CCND3: variants seen among roughly 807,000 people sequenced by gnomAD.
The protein encoded by CCND3 is G1/S-specific cyclin-D3.
A neutral mutation model predicts 28.7 loss-of-function variants in CCND3; 9 were observed. The observed-to-expected ratio is 0.31, with a 90% CI of 0.19 to 0.55. CCND3 has a LOEUF of 0.55. CCND3 is among the 20% of genes least tolerant of loss of function. The pLI, the probability that CCND3 is intolerant of heterozygous loss-of-function variation, is 0.93. For synonymous variants in CCND3, 164 were observed against 163.9 expected (o/e 1.00, Z 0.00); for missense variants, 315 against 385.8 (o/e 0.82, Z 1.54).
At chr6:41,948,257 C>T (rs1231184386) in intron 1 of CCND3, among the ~76,000 whole-genome samples, 1 of 152,078 alleles carries the variant, frequency 6.6e-6, no homozygotes, top group Non-Finnish European at 1.5e-5. Context: ...ATTCTGTTTA[C>T]AGCTTGTCTA....
chr6:41,983,603 G>A (rs1762406554), intron 1 of CCND3, among the ~76,000 whole-genome samples: 1 of 152,110 alleles, frequency 6.6e-6, no homozygotes, highest in African/African-American at 2.4e-5. Context: ...GGGAGGCCAA[G>A]GCAGACAGAT....
At chr6:42,009,851 G>A (rs1763289818) in intron 1 of CCND3, among the ~76,000 whole-genome samples, 1 of 152,070 alleles carries the variant, frequency 6.6e-6, no homozygotes, top group South Asian at 2.1e-4. Flanking sequence ...CCCTAGAATA[G>A]TGATTCTCAA....
chr6:42,043,264 G>A (rs1417995193), intron 1 of CCND3, among the ~76,000 whole-genome samples: 4 of 152,146 alleles, frequency 2.6e-5, no homozygotes, highest in African/African-American at 4.8e-5. Context: ...TATGCTGGGC[G>A]CGGTGGCTTA....
intron 1 of CCND3, among the ~76,000 whole-genome samples, chr6:42,045,049 C>A (rs1465171314): frequency 6.6e-6 from 1 of 151,508 alleles, no homozygotes; most frequent in Non-Finnish European, 1.5e-5. Context: ...CGTGATCCGC[C>A]CACCTTGGCC....
intron 1 of CCND3, among the ~76,000 whole-genome samples, chr6:41,969,968 C>T (rs537037251): frequency 8.6e-5 from 13 of 151,976 alleles, no homozygotes; most frequent in South Asian, 2.1e-4. Context: ...GCTACTTGGG[C>T]GGCTTAGCTG....
At chr6:41,983,095 T>C (rs1402869238) in intron 1 of CCND3, among the ~76,000 whole-genome samples, 1 of 152,048 alleles carries the variant, frequency 6.6e-6, no homozygotes, top group African/African-American at 2.4e-5. Context: ...AGGTATATGT[T>C]GGCCGGGTGC....
At chr6:42,037,088 G>A (rs776047529) in intron 1 of CCND3, among the ~76,000 whole-genome samples, 3 of 149,870 alleles carry the variant, frequency 2.0e-5, no homozygotes, top group Non-Finnish European at 3.0e-5. Context: ...AAAGGTGCCC[G>A]CCACCACACC....
chr6:41,962,854 G>A (rs984543787), intron 1 of CCND3, among the ~76,000 whole-genome samples: 8 of 152,184 alleles, frequency 5.3e-5, no homozygotes, highest in African/African-American at 1.7e-4. Context: ...GGGTTCAAGC[G>A]ATTCTCCTGT....
At chr6:41,942,934 A>G (rs1293392242), upstream of CCND3, among the ~76,000 whole-genome samples, 1 of 130,294 alleles carries the variant, frequency 7.7e-6, no homozygotes, top group Non-Finnish European at 1.5e-5. Context: ...GCTGGAGTGC[A>G]GTGGTGCGAT....
chr6:41,987,511 CTCTCTCTGTG>C (rs1442787525), intron 1 of CCND3, among the ~76,000 whole-genome samples: 3 of 43,510 alleles, frequency 6.9e-5, no homozygotes, highest in South Asian at 8.9e-4. Context: ...CTCTCTCTCT[CTCTCTCTGTG>C]TGTGTGTGTG....
At chr6:42,037,903 T>C (rs1330360922) in intron 1 of CCND3, among the ~76,000 whole-genome samples, 1 of 151,804 alleles carries the variant, frequency 6.6e-6, no homozygotes, top group Non-Finnish European at 1.5e-5. Flanking sequence ...TGGTCGCACA[T>C]GCCTGTAATC....
At chr6:41,948,226 T>C (rs1776217672) in intron 1 of CCND3, among the ~76,000 whole-genome samples, 1 of 152,192 alleles carries the variant, frequency 6.6e-6, no homozygotes, top group Non-Finnish European at 1.5e-5. Context: ...ATCACTAGTA[T>C]AGCATATACT....
chr6:41,975,323 T>A (rs747475545), intron 1 of CCND3, among the ~76,000 whole-genome samples: 1 of 152,158 alleles, frequency 6.6e-6, no homozygotes, highest in African/African-American at 2.4e-5. Flanking sequence ...GTGTTGCCTA[T>A]GGAGGTTGGC....
At position 42,042,413 on chromosome 6, in the gene CCND3, T is replaced by C. The variant is rs538884045; in HGVS notation, c.-46+6088A>G. On this transcript the variant is annotated intron_variant, in intron 1 of 4. Coordinates refer to the CCND3 transcript ENST00000372988. ...TCCGTTCTTCTTGCCCAGACTGGAG[T>C]GCAATGGCGCGATCTCGGCTCACCA... 2.7e-5 allele frequency among the ~76,000 whole-genome samples: 4 copies of C among 149,866 alleles called. No individual in the cohort carries two copies. In the East Asian group the frequency reaches 7.9e-4, roughly 30 times the overall value.
chr6:41,947,754 T>C (rs899342939), intron 1 of CCND3, among the ~76,000 whole-genome samples: 1 of 152,128 alleles, frequency 6.6e-6, no homozygotes, highest in African/African-American at 2.4e-5. Flanking sequence ...CCTTCTTTTC[T>C]CGATTTCCAC....
Position 42,015,242 on chromosome 6 carries a change from ATG to A in CCND3, c.-46+33257_-46+33258del, listed in dbSNP as rs1368414694. Among the ~76,000 whole-genome samples the A allele has an allele frequency of 3.3e-5, 5 of 152,284 alleles. No individual in the cohort carries two copies. In the South Asian group the frequency reaches 1.0e-3, roughly 32 times the overall value. On this transcript the variant is annotated intron_variant, in intron 1 of 4. Transcript: ENST00000372988. ...GACACCCTTAACCACTCTGCCATGC[ATG>A]TAAACTCAAAGTAGCGCCACCCAAG...
Position 41,940,355 on chromosome 6 carries a change from G to T in CCND3, c.414+15C>A, listed in dbSNP as rs777357082. The T allele has an allele frequency of 6.3e-7, 1 of 1,599,340 alleles. No homozygotes were observed. Among genetic ancestry groups the T allele is most frequent in the Non-Finnish European group, 8.6e-7 (1 of 1,166,708 alleles). On this transcript the variant is annotated intron_variant, in intron 2 of 4. Coordinates refer to ENST00000372991, the MANE Select transcript of CCND3 (RefSeq NM_001760.5). ...AGACAATACGTGTCGGGGGTGGGGG[G>T]AGTTACACACGCACCCGCAACTGGC...
intron 1 of CCND3, among the ~76,000 whole-genome samples, chr6:41,959,124 G>A (rs1020971508): frequency 6.6e-6 from 1 of 152,108 alleles, no homozygotes; most frequent in African/African-American, 2.4e-5. Context: ...AGACCAGCCT[G>A]ACCAACATGG....
At chr6:41,990,672 T>A (rs1430865249) in intron 1 of CCND3, among the ~76,000 whole-genome samples, 11 of 136,518 alleles carry the variant, frequency 8.1e-5, no homozygotes, top group East Asian at 6.3e-4. Flanking sequence ...TTTTTTTTTT[T>A]TTTTTTTTTT....
Sources: allele counts gnomAD v4.1 joint callset (sites outside exome capture counted in the v4.1 genomes callset), GRCh38; gene constraint gnomAD v4.1.1; transcripts MANE v1.5; gene names NCBI Gene and HGNC (gene_info 2026-07-23, HGNC 2026-07-21).